The following PHTF1 variants were observed in gnomAD, a reference collection of about 807,000 sequenced individuals.
The protein encoded by PHTF1 is protein PHTF1.
A neutral mutation model predicts 102.4 loss-of-function variants in PHTF1; 88 were observed. The ratio of observed to expected loss-of-function variants is 0.86; its 90% CI spans 0.72 to 1.03. The LOEUF is 1.03. Ranked by LOEUF, PHTF1 falls within the 50% of genes least tolerant of loss-of-function variation. The pLI is 0.00. For synonymous variants in PHTF1, 289 were observed against 305.2 expected (o/e 0.95, Z 0.55); for missense variants, 814 against 909.5 (o/e 0.89, Z 1.35).
intron 3 of PHTF1, among the ~76,000 whole-genome samples, chr1:113,754,861 C>T (rs1571264708): frequency 1.3e-5 from 2 of 152,000 alleles, no homozygotes; most frequent in Admixed American, 1.3e-4. Context: ...GATTTATGGC[C>T]TATCACTCTA....
intron 4 of PHTF1, 117 bp downstream of exon 4, chr1:113,738,613 G>C (rs1440351994): frequency 8.8e-6 from 6 of 682,256 alleles, no homozygotes; most frequent in African/African-American, 1.8e-5. Flanking sequence ...TGAATGATGA[G>C]AGTAAAGTGT....
intron 3 of PHTF1, among the ~76,000 whole-genome samples, chr1:113,756,873 A>C (rs1658961794): frequency 6.6e-6 from 1 of 152,216 alleles, no homozygotes. Flanking sequence ...GAAAAACTTA[A>C]AACCATACTC....
At chr1:113,698,620 T>TACACACACAC (rs56167437) in intron 17 of PHTF1, among the ~76,000 whole-genome samples, 1 of 49,670 alleles carries the variant, frequency 2.0e-5, no homozygotes, top group Non-Finnish European at 8.0e-5. Context: ...TATATATATA[T>TACACACACAC]ACACACACAC....
intron 3 of PHTF1, among the ~76,000 whole-genome samples, chr1:113,742,974 G>T (rs1656657592): frequency 6.6e-6 from 1 of 151,756 alleles, no homozygotes; most frequent in Non-Finnish European, 1.5e-5. Context: ...GTTTTTTGTT[G>T]TTGTTGTTGT....
Position 113,699,717 on chromosome 1 carries a change from G to C in PHTF1, c.2129C>G (p.Thr710Ser). The C allele has an allele frequency of 7.0e-7, 1 of 1,422,898 alleles. No homozygotes were observed. Among genetic ancestry groups the C allele is most frequent in the Non-Finnish European group, 9.8e-7 (1 of 1,018,094 alleles). 88.1% of individuals were successfully genotyped at this position (1,422,898 alleles called of 1,614,324 possible). Reference sequence around the variant, plus strand: ...CCTATGACTTACTTTCAACAACTTGGTGGACAGCTTTAATACATTGTTTAC... The same window carrying C: ...CCTATGACTTACTTTCAACAACTTGCTGGACAGCTTTAATACATTGTTTAC... ...TLVNNVLKLSTKLLKELDTPF... is the reference protein window; with the variant it reads ...TLVNNVLKLSSKLLKELDTPF... Residue 710 changes from threonine to serine, a missense_variant, in exon 17 of 19, where the codon ACC becomes AGC. Thr to Ser is a moderately conservative substitution (Grantham distance 58). Coordinates refer to ENST00000369604, the MANE Select transcript of PHTF1 (RefSeq NM_001323043.2).
chr1:113,712,817 C>T (rs1651344373), intron 8 of PHTF1, among the ~76,000 whole-genome samples: 1 of 147,552 alleles, frequency 6.8e-6, no homozygotes, highest in Non-Finnish European at 1.5e-5. Flanking sequence ...GACGGAGTCT[C>T]GCTGTGTCTC....
intron 5 of PHTF1, among the ~76,000 whole-genome samples, chr1:113,736,816 A>G (rs537567058): frequency 2.1e-4 from 32 of 152,318 alleles, no homozygotes; most frequent in African/African-American, 7.5e-4. Flanking sequence ...CAGCACGAGC[A>G]GAGTGGTAAG....
rs1162898621 is a variant in PHTF1 at position 113,723,610 on chromosome 1, T to C, written c.623+1149A>G. ...GAAACTAGACCCTTATCTCTCACCA[T>C]ATGCAAAAATCAAATAAAAGTTAAT... On this transcript the variant is annotated intron_variant, in intron 7 of 18. Transcript: ENST00000369604. Among the ~76,000 whole-genome samples, 3 of 152,184 alleles carry C rather than the reference T, an allele frequency of 2.0e-5. No homozygotes were observed. In the East Asian group the frequency reaches 5.8e-4, roughly 29 times the overall value.
rs188341891 is a variant in PHTF1 at position 113,699,341 on chromosome 1, A to G, written c.2142+363T>C. The stretch of plus-strand genomic sequence containing the variant: ...ATGGTGCTGGCTACCTCCTTGGAGC[A>G]CTAACACCCAGACCAACATAGCCGT... On this transcript the variant is annotated intron_variant, in intron 17 of 18. Transcript: ENST00000369604. The G allele has an allele frequency of 6.9e-3, 2,505 of 361,782 alleles. 34 individuals are homozygous for G. The highest frequency in any genetic ancestry group is 0.029 in the South Asian group (1,162 of 40,732). The allele number at this position is 361,782 out of a possible 1,614,324, so 22.4% of individuals were successfully genotyped here.
chr1:113,747,387 C>T (rs970306623), intron 3 of PHTF1, among the ~76,000 whole-genome samples: 2 of 152,168 alleles, frequency 1.3e-5, no homozygotes, highest in Non-Finnish European at 2.9e-5. Flanking sequence ...TTCCAATATG[C>T]TCGAACACAA....
intron 3 of PHTF1, among the ~76,000 whole-genome samples, chr1:113,743,294 C>A (rs191359931): frequency 5.3e-5 from 8 of 151,714 alleles, no homozygotes; most frequent in Non-Finnish European, 8.8e-5. Flanking sequence ...CAGCCAAGGC[C>A]TACATAGGGT....
At chr1:113,753,126 G>C (rs1305636946) in intron 3 of PHTF1, among the ~76,000 whole-genome samples, 1 of 152,110 alleles carries the variant, frequency 6.6e-6, no homozygotes, top group Non-Finnish European at 1.5e-5. Context: ...CTCCCACTTG[G>C]TCATAGTAGA....
At chr1:113,717,945 C>T (rs1001472064) in intron 7 of PHTF1, among the ~76,000 whole-genome samples, 1 of 152,052 alleles carries the variant, frequency 6.6e-6, no homozygotes, top group Non-Finnish European at 1.5e-5. Context: ...CCTCTACAAA[C>T]CTCATGTCCT....
At chr1:113,757,273 T>C (rs1239659840) in intron 3 of PHTF1, among the ~76,000 whole-genome samples, 2 of 152,198 alleles carry the variant, frequency 1.3e-5, no homozygotes, top group Non-Finnish European at 2.9e-5. Context: ...GGATTTTATT[T>C]GGCTTGCAAA....
intron 11 of PHTF1, 53 bp from the exon 12 acceptor site, chr1:113,706,775 G>A: frequency 1.5e-6 from 2 of 1,290,406 alleles, no homozygotes; most frequent in Non-Finnish European, 1.1e-6. Context: ...GCCTCCATTA[G>A]TTTTTCTTTC....
chr1:113,751,098 CAAAATAT>C (rs1195899327), intron 3 of PHTF1, among the ~76,000 whole-genome samples: 1 of 151,826 alleles, frequency 6.6e-6, no homozygotes, highest in Non-Finnish European at 1.5e-5. Flanking sequence ...CTTGTCTCTA[CAAAATAT>C]AAAATATTTT....
intron 8 of PHTF1, 35 bp downstream of exon 8, chr1:113,713,244 A>T (rs774352883): frequency 6.3e-7 from 1 of 1,581,620 alleles, no homozygotes; most frequent in Non-Finnish European, 8.7e-7. Context: ...TTACATGGGG[A>T]AAAAAACCCC....
At chr1:113,702,122 T>C (rs1649520764) in intron 15 of PHTF1, among the ~76,000 whole-genome samples, 1 of 151,906 alleles carries the variant, frequency 6.6e-6, no homozygotes, top group Non-Finnish European at 1.5e-5. Context: ...TGAAGGACAA[T>C]AATACAAAAG....
At chr1:113,698,536 C>T (rs898996322) in intron 17 of PHTF1, 149 bp from the exon 18 acceptor site, 14 of 593,018 alleles carry the variant, frequency 2.4e-5, no homozygotes, top group South Asian at 3.7e-5. Context: ...AAATCCATAA[C>T]GTGTTCTCAC....
Sources: allele counts gnomAD v4.1 joint callset (sites outside exome capture counted in the v4.1 genomes callset), GRCh38; gene constraint gnomAD v4.1.1; transcripts MANE v1.5; gene names NCBI Gene and HGNC (gene_info 2026-07-23, HGNC 2026-07-21).